SLC39A12: variants seen among roughly 807,000 people sequenced by gnomAD.
The protein encoded by SLC39A12 is solute carrier family 39 member 12, also known as zinc transporter ZIP12.
Under a neutral mutation model 71.1 loss-of-function variants are expected in SLC39A12, and 63 were observed. The ratio of observed to expected loss-of-function variants is 0.89; its 90% CI spans 0.72 to 1.09. The LOEUF is 1.09. Ranked by LOEUF, SLC39A12 falls within the 50% of genes least tolerant of loss-of-function variation. The pLI is 0.00. For synonymous variants in SLC39A12, 351 were observed against 301.3 expected (o/e 1.16, Z -1.71); for missense variants, 892 against 812.6 (o/e 1.10, Z -1.19).
At chr10:17,995,586 G>T in intron 9 of SLC39A12, 70 bp from the exon 10 acceptor site, 2 of 1,407,174 alleles carry the variant, frequency 1.4e-6, no homozygotes, top group Non-Finnish European at 2.0e-6. Flanking sequence ...TAACTCTCCA[G>T]ATGTTTCATT....
At chr10:17,982,613 A>T (rs1394145897) in intron 6 of SLC39A12, among the ~76,000 whole-genome samples, 1 of 152,188 alleles carries the variant, frequency 6.6e-6, no homozygotes, top group African/African-American at 2.4e-5. Context: ...TCACTAAGAG[A>T]AAAAGAGCTT....
chr10:17,962,024 G>A (rs1887217), intron 3 of SLC39A12, among the ~76,000 whole-genome samples, 162 bp downstream of exon 3: 2,972 of 152,216 alleles, frequency 0.02, 87 homozygotes, highest in African/African-American at 0.068. Flanking sequence ...TTAAAATTCC[G>A]AGTCCAAAAG....
At chr10:17,955,512 G>A (rs1834517631) in intron 2 of SLC39A12, among the ~76,000 whole-genome samples, 1 of 152,184 alleles carries the variant, frequency 6.6e-6, no homozygotes. Flanking sequence ...GCGAACCACA[G>A]AGCTTCAGCT....
At chr10:17,955,872 G>A (rs1378591221) in intron 2 of SLC39A12, among the ~76,000 whole-genome samples, 2 of 152,082 alleles carry the variant, frequency 1.3e-5, no homozygotes, top group African/African-American at 2.4e-5. Flanking sequence ...AATGAACATC[G>A]TGAGAGATTA....
intron 10 of SLC39A12, among the ~76,000 whole-genome samples, chr10:17,998,138 A>T (rs1835736693): frequency 6.6e-6 from 1 of 152,194 alleles, no homozygotes; most frequent in South Asian, 2.1e-4. Flanking sequence ...AATAATGTTT[A>T]AATTACCTTA....
intron 3 of SLC39A12, 135 bp downstream of exon 3, chr10:17,961,997 A>C (rs1238133925): frequency 1.2e-6 from 1 of 868,374 alleles, no homozygotes; most frequent in Non-Finnish European, 1.7e-6. Flanking sequence ...TGGTTATGAG[A>C]TGTTAAATGA....
At chr10:18,027,094 G>C (rs1204364715) in intron 12 of SLC39A12, among the ~76,000 whole-genome samples, 1 of 152,106 alleles carries the variant, frequency 6.6e-6, no homozygotes, top group Non-Finnish European at 1.5e-5. Context: ...TGAACATGTT[G>C]TACTGAGTGA....
chr10:18,012,501 A>G (rs1836255185), intron 12 of SLC39A12, among the ~76,000 whole-genome samples: 1 of 152,176 alleles, frequency 6.6e-6, no homozygotes, highest in Non-Finnish European at 1.5e-5. Context: ...TAAAAGAAAG[A>G]CACTCCAGAC....
Position 18,002,934 on chromosome 10 carries a change from A to G in SLC39A12, c.1760-237A>G, listed in dbSNP as rs1835877310. The G allele has an allele frequency of 1.4e-5, 6 of 426,046 alleles. No homozygotes were observed. In the East Asian group the frequency reaches 2.0e-4, roughly 14 times the overall value. 26.4% of individuals were successfully genotyped at this position (426,046 alleles called of 1,614,324 possible). A position where few individuals can be genotyped will look rare whatever the true frequency, so the allele number is the denominator to read the frequency against. ...ATATGTCACAGACCTCTCTGTAGAT[A>G]CAATCTTTAGGAGCAGCCAAAGGAA... On this transcript the variant is annotated intron_variant, in intron 11 of 12. Transcript: ENST00000377369.
intron 12 of SLC39A12, among the ~76,000 whole-genome samples, chr10:18,021,270 C>T (rs1163812500): frequency 6.6e-6 from 1 of 151,774 alleles, no homozygotes; most frequent in Non-Finnish European, 1.5e-5. Context: ...AAGATCAGAT[C>T]ATTGTAAGTG....
chr10:18,021,727 T>C (rs1337409568), intron 12 of SLC39A12, among the ~76,000 whole-genome samples: 1 of 152,182 alleles, frequency 6.6e-6, no homozygotes, highest in East Asian at 1.9e-4. Flanking sequence ...GTAGTCTATG[T>C]ACTTGAGTGT....
At chr10:18,040,716 C>T (rs1837199304) in intron 12 of SLC39A12, among the ~76,000 whole-genome samples, 1 of 149,386 alleles carries the variant, frequency 6.7e-6, no homozygotes, top group Non-Finnish European at 1.5e-5. Flanking sequence ...TTGCAGTGAG[C>T]CGAGATCATG....
chr10:17,964,308 C>T (rs984206625), intron 3 of SLC39A12, among the ~76,000 whole-genome samples: 4 of 152,182 alleles, frequency 2.6e-5, no homozygotes, highest in Non-Finnish European at 4.4e-5. Context: ...GATTCTTAGC[C>T]TTCCACTCTG....
intron 9 of SLC39A12, among the ~76,000 whole-genome samples, chr10:17,993,578 A>G (rs1835611509): frequency 6.6e-6 from 1 of 152,236 alleles, no homozygotes; most frequent in Non-Finnish European, 1.5e-5. Context: ...TGTGTTTACA[A>G]GTTTTCATAA....
chr10:17,993,072 G>A (rs1835595095), intron 8 of SLC39A12, 109 bp from the exon 9 acceptor site: 1 of 646,146 alleles, frequency 1.5e-6, no homozygotes, highest in Non-Finnish European at 2.6e-6. Context: ...TCTCTTTTGT[G>A]GCAACTACCA....
rs547690606 is a variant in SLC39A12, at chr10:17,982,418, C to T, written c.1096+935C>T. 3.0e-4 allele frequency among the ~76,000 whole-genome samples: 46 copies of T among 152,090 alleles called. No individual in the cohort carries two copies. In the South Asian group the frequency reaches 9.4e-3, roughly 31 times the overall value. On this transcript the variant is annotated intron_variant, in intron 6 of 12. Transcript: ENST00000377369. ...ATTAGCTTACCATTGATCTGAGAGC[C>T]TTAGATGTATTATTTTCTCAGAGCT...
chr10:17,981,563 A>G, intron 6 of SLC39A12, 80 bp downstream of exon 6: 1 of 1,140,940 alleles, frequency 8.8e-7, no homozygotes, highest in Non-Finnish European at 1.2e-6. Flanking sequence ...TACTTACTAT[A>G]TACCAGGCTC....
chr10:17,981,237 C>A, intron 5 of SLC39A12, 75 bp from the exon 6 acceptor site: 2 of 1,367,882 alleles, frequency 1.5e-6, no homozygotes, highest in Non-Finnish European at 2.0e-6. Context: ...ATTCACTCCT[C>A]AAGGATGACA....
chr10:18,042,840 A>G lies in SLC39A12; in HGVS notation c.*7A>G, dbSNP rs201722428. Reference sequence around the variant, plus strand: ...GCAAAATATTAAAATATAAGTGAGGATCTTCAACATCTTTCAAAAATGCAT... The same window carrying G: ...GCAAAATATTAAAATATAAGTGAGGGTCTTCAACATCTTTCAAAAATGCAT... On this transcript the variant is annotated 3_prime_UTR_variant, in exon 13 of 13. Transcript: ENST00000377369. The G allele has an allele frequency of 1.3e-6, 2 of 1,597,464 alleles. No homozygotes were observed. The highest frequency in any genetic ancestry group is 1.7e-6 in the Non-Finnish European group (2 of 1,173,888).
Sources: gnomAD v4.1 joint callset for allele counts (sites outside exome capture counted in the v4.1 genomes callset) on GRCh38, gnomAD v4.1.1 for gene constraint, MANE v1.5 for transcripts, NCBI Gene and HGNC (gene_info 2026-07-23, HGNC 2026-07-21) for gene names.